Variants in KCNIP1 observed in about 807,000 individuals in gnomAD.
KCNIP1 encodes potassium voltage-gated channel interacting protein 1, also known as A-type potassium channel modulatory protein KCNIP1.
Under a neutral mutation model 33.0 loss-of-function variants are expected in KCNIP1, and 18 were observed. The ratio of observed to expected loss-of-function variants is 0.55; its 90% CI spans 0.38 to 0.81. The LOEUF (loss-of-function observed/expected upper bound fraction) is 0.81. KCNIP1 is among the 30% of genes least tolerant of loss of function. The pLI is 0.00. For synonymous variants in KCNIP1, 93 were observed against 98.3 expected, an observed-to-expected ratio of 0.95 and a Z score of 0.32; for missense variants, 238 against 271.6, an observed-to-expected ratio of 0.88 and a Z score of 0.87.
At chr5:170,625,494 G>A (rs929728200) in intron 1 of KCNIP1, among the ~76,000 whole-genome samples, 8 of 152,286 alleles carry the variant, frequency 5.3e-5, no homozygotes, top group Admixed American at 4.6e-4. Flanking sequence ...CTGCGGGGGC[G>A]CCCCTCTATG....
At chr5:170,353,586 C>T in exon 1 of KCNIP1, 1 of 509,652 alleles carries the variant, frequency 2.0e-6, no homozygotes, top group Admixed American at 3.3e-5. Context: ...TACCTTGTGC[C>T]CCGGCAGTGC....
intron 1 of KCNIP1, among the ~76,000 whole-genome samples, chr5:170,640,096 C>T (rs560422762): frequency 2.0e-5 from 3 of 152,298 alleles, no homozygotes; most frequent in East Asian, 3.9e-4. Flanking sequence ...CAGTGGCTTC[C>T]AGAGAGACTT....
At chr5:170,457,002 A>G (rs1756397771) in intron 1 of KCNIP1, among the ~76,000 whole-genome samples, 1 of 152,108 alleles carries the variant, frequency 6.6e-6, no homozygotes, top group Admixed American at 6.5e-5. Context: ...CACCACACCC[A>G]GCTGGTTATT....
At chr5:170,497,463 C>T (rs1328976759) in intron 1 of KCNIP1, among the ~76,000 whole-genome samples, 3 of 152,100 alleles carry the variant, frequency 2.0e-5, no homozygotes, top group Admixed American at 6.5e-5. Context: ...ACCAACTGTC[C>T]AAGGCTGTGT....
At chr5:170,701,051 C>T (rs1227521481) in intron 1 of KCNIP1, among the ~76,000 whole-genome samples, 1 of 152,162 alleles carries the variant, frequency 6.6e-6, no homozygotes, top group Admixed American at 6.5e-5. Flanking sequence ...CATGTTTTTA[C>T]CCAAAACATT....
intron 1 of KCNIP1, among the ~76,000 whole-genome samples, chr5:170,470,517 G>C (rs73311770): frequency 0.016 from 2,480 of 152,264 alleles, 69 homozygotes; most frequent in African/African-American, 0.056. Flanking sequence ...AGAAAGTGAG[G>C]CATTTATTGC....
intron 1 of KCNIP1, among the ~76,000 whole-genome samples, chr5:170,578,656 A>C (rs1042795548): frequency 3.3e-5 from 5 of 152,240 alleles, no homozygotes; most frequent in African/African-American, 1.2e-4. Context: ...CCAAGCAATG[A>C]AATAACAAAT....
chr5:170,670,757 G>C (rs1218882715), intron 1 of KCNIP1, among the ~76,000 whole-genome samples: 1 of 152,136 alleles, frequency 6.6e-6, no homozygotes, highest in Non-Finnish European at 1.5e-5. Flanking sequence ...GCCAGGTGTG[G>C]TGATGCAGCA....
At chr5:170,445,949 T>C (rs1010544854) in intron 1 of KCNIP1, among the ~76,000 whole-genome samples, 1 of 152,216 alleles carries the variant, frequency 6.6e-6, no homozygotes, top group African/African-American at 2.4e-5. Flanking sequence ...TCCAGAAAGT[T>C]TGTGCTAAGA....
At chr5:170,691,228 C>T (rs1254576586) in intron 1 of KCNIP1, among the ~76,000 whole-genome samples, 1 of 152,232 alleles carries the variant, frequency 6.6e-6, no homozygotes, top group East Asian at 1.9e-4. Flanking sequence ...AAACACAAAA[C>T]ACTGAATTAA....
chr5:170,569,624 GT>G (rs1757326126), intron 1 of KCNIP1, among the ~76,000 whole-genome samples: 1 of 152,184 alleles, frequency 6.6e-6, no homozygotes, highest in Non-Finnish European at 1.5e-5. Context: ...TGCCACCGTA[GT>G]CCTAGCTACT....
upstream of KCNIP1, among the ~76,000 whole-genome samples, chr5:170,502,096 C>G (rs1312997838): frequency 6.6e-6 from 1 of 152,246 alleles, no homozygotes; most frequent in Admixed American, 6.5e-5. Flanking sequence ...AATCCCACAT[C>G]CTGGCTGGGC....
chr5:170,506,610 TTCTAAGAAACAGAAGAGGGGGTAC>T (rs1215600161), intron 1 of KCNIP1, among the ~76,000 whole-genome samples: 1 of 152,134 alleles, frequency 6.6e-6, no homozygotes, highest in Non-Finnish European at 1.5e-5. Context: ...TCTCCTCGGA[TTCTAAGAAACAGAAGAGGGGGTAC>T]TGGCATTCAG....
At chr5:170,452,874 C>T (rs1300200105) in intron 1 of KCNIP1, among the ~76,000 whole-genome samples, 2 of 152,142 alleles carry the variant, frequency 1.3e-5, no homozygotes, top group Non-Finnish European at 2.9e-5. Flanking sequence ...TACATCATTA[C>T]CACCCAGAAT....
At chr5:170,492,011 G>A (rs1321445615) in intron 1 of KCNIP1, among the ~76,000 whole-genome samples, 1 of 152,088 alleles carries the variant, frequency 6.6e-6, no homozygotes, top group African/African-American at 2.4e-5. Context: ...TCTTGCTCAC[G>A]CCGACTTTTC....
chr5:170,607,836 C>A (rs1489791049), intron 1 of KCNIP1, among the ~76,000 whole-genome samples: 2 of 152,158 alleles, frequency 1.3e-5, no homozygotes, highest in Non-Finnish European at 2.9e-5. Context: ...TAAGGTGGAG[C>A]CTTCCAGCCA....
At chr5:170,467,985 T>A (rs1275319077) in intron 1 of KCNIP1, among the ~76,000 whole-genome samples, 1 of 151,794 alleles carries the variant, frequency 6.6e-6, no homozygotes, top group African/African-American at 2.4e-5. Context: ...TTCTTTCTAT[T>A]AAGATATTTG....
chr5:170,390,517 A>AAAAAAAAAAAAAAAAAT lies in KCNIP1; in HGVS notation c.88+36554_88+36555insAAAAAAAAAAAAAAATA. ...GACCCCGTCTCAAAAAAAAAAAACAAATATATATATATATATATATATTTT... is the reference window on the plus strand; with the variant it reads ...GACCCCGTCTCAAAAAAAAAAAACAAAAAAAAAAAAAAAAAATATATATATATATATATATATATTTT... On this transcript the variant is annotated intron_variant, in intron 1 of 7. Coordinates refer to the KCNIP1 transcript ENST00000377360. Among the ~76,000 whole-genome samples the AAAAAAAAAAAAAAAAAT allele has an allele frequency of 5.8e-4, 43 of 74,528 alleles. 2 individuals are homozygous for AAAAAAAAAAAAAAAAAT. Among genetic ancestry groups the AAAAAAAAAAAAAAAAAT allele is most frequent in the African/African-American group, 2.7e-3 (42 of 15,600 alleles). 48.9% of individuals were successfully genotyped at this position (74,528 alleles called of 152,430 possible). A position where few individuals can be genotyped will look rare whatever the true frequency, so the allele number is the denominator to read the frequency against.
At chr5:170,525,219 G>A (rs1755524254) in intron 1 of KCNIP1, among the ~76,000 whole-genome samples, 3 of 152,334 alleles carry the variant, frequency 2.0e-5, no homozygotes, top group East Asian at 1.9e-4. Flanking sequence ...CAGGCCTCTA[G>A]CAGAGGGGCT....
Sources: allele counts gnomAD v4.1 joint callset (sites outside exome capture counted in the v4.1 genomes callset), GRCh38; gene constraint gnomAD v4.1.1; transcripts MANE v1.5; gene names NCBI Gene and HGNC (gene_info 2026-07-23, HGNC 2026-07-21).